The following CPEB1 variants were observed in gnomAD, a reference collection of about 807,000 sequenced individuals.
CPEB1 encodes cytoplasmic polyadenylation element-binding protein 1.
In CPEB1, 7 loss-of-function variants were observed where a neutral mutation model predicts 65.8. That is an observed-to-expected ratio of 0.11 (90% CI 0.06 to 0.20). CPEB1 has a LOEUF of 0.20. CPEB1 is among the 10% of genes least tolerant of loss of function. CPEB1 has a pLI of 1.00. For synonymous variants in CPEB1, 262 were observed against 260.0 expected, an observed-to-expected ratio of 1.01 and a Z score of -0.08; for missense variants, 551 against 712.2, an observed-to-expected ratio of 0.77 and a Z score of 2.58.
chr15:82,577,664 G>T, intron 3 of CPEB1, among the ~76,000 whole-genome samples: 1 of 152,062 alleles, frequency 6.6e-6, no homozygotes, highest in Non-Finnish European at 1.5e-5. Flanking sequence ...ACAGGTGCAT[G>T]CCACCATACC....
intron 3 of CPEB1, among the ~76,000 whole-genome samples, chr15:82,612,015 C>A (rs757409771): frequency 1.4e-4 from 21 of 151,412 alleles, no homozygotes; most frequent in Non-Finnish European, 2.2e-4. Flanking sequence ...TCGAGACCAT[C>A]CTGGCTAACA....
chr15:82,580,859 TTTC>T (rs1397213621), intron 3 of CPEB1, among the ~76,000 whole-genome samples: 2 of 151,702 alleles, frequency 1.3e-5, no homozygotes, highest in African/African-American at 4.9e-5. Context: ...CTTTTTTTTT[TTTC>T]TTTTTTTGAG....
At chr15:82,587,568 CAA>C (rs2041901398) in intron 3 of CPEB1, among the ~76,000 whole-genome samples, 1 of 152,082 alleles carries the variant, frequency 6.6e-6, no homozygotes, top group African/African-American at 2.4e-5. Flanking sequence ...GGAGAGAACT[CAA>C]AGTCATCAAA....
upstream of CPEB1, chr15:82,647,494 T>C (rs587625226): frequency 1.5e-5 from 3 of 202,838 alleles, no homozygotes; most frequent in South Asian, 1.9e-4. Context: ...GCGACGGCAG[T>C]GTGAGAAAGA....
chr15:82,624,698 A>C (rs2045602662), intron 3 of CPEB1, among the ~76,000 whole-genome samples: 1 of 152,176 alleles, frequency 6.6e-6, no homozygotes, highest in African/African-American at 2.4e-5. Context: ...CTCTCCCATC[A>C]ATCATGGGTC....
Position 82,555,875 on chromosome 15 carries a change from G to A in CPEB1, c.935C>T (p.Ala312Val). Residue 312 changes from alanine to valine, a missense_variant, in exon 6 of 13, where the codon GCT becomes GTT. Ala to Val is a moderately conservative substitution (Grantham distance 64). Coordinates refer to ENST00000684509, the MANE Select transcript of CPEB1 (RefSeq NM_001365242.1). ...CATGCTCAAGGCACACTCACCTGCA[G>A]CTTGTCGGTGCAGCCTGGCCTCTCT... ...IEREARLHRQ[A>V]AAVNEATCTW... The A allele has an allele frequency of 6.2e-7, 1 of 1,610,916 alleles. No individual in the cohort carries two copies. The highest frequency in any genetic ancestry group is 8.5e-7 in the Non-Finnish European group (1 of 1,178,870).
At chr15:82,616,733 G>C (rs1286079324) in intron 3 of CPEB1, among the ~76,000 whole-genome samples, 5 of 151,984 alleles carry the variant, frequency 3.3e-5, no homozygotes, top group African/African-American at 1.2e-4. Flanking sequence ...AGTAGAGACA[G>C]GGTTTCACCA....
chr15:82,635,324 T>A (rs1270339859), intron 1 of CPEB1, among the ~76,000 whole-genome samples: 1 of 152,242 alleles, frequency 6.6e-6, no homozygotes, highest in East Asian at 1.9e-4. Context: ...CCATGAAGAA[T>A]ACATTTTCCT....
At chr15:82,608,156 A>G (rs983559714) in intron 3 of CPEB1, among the ~76,000 whole-genome samples, 7 of 152,240 alleles carry the variant, frequency 4.6e-5, no homozygotes. Context: ...TGAGTTTTTT[A>G]TAAAGCCTCA....
At chr15:82,571,054 C>G (rs1018167385) in intron 4 of CPEB1, among the ~76,000 whole-genome samples, 1 of 152,170 alleles carries the variant, frequency 6.6e-6, no homozygotes, top group African/African-American at 2.4e-5. Context: ...CTTTTCTGCA[C>G]AAGGCCACCA....
intron 1 of CPEB1, among the ~76,000 whole-genome samples, chr15:82,644,399 G>T (rs926382013): frequency 3.9e-5 from 6 of 152,184 alleles, no homozygotes; most frequent in African/African-American, 1.4e-4. Flanking sequence ...TCACTTAACA[G>T]CCTTGTGACT....
upstream of CPEB1, chr15:82,648,028 C>G (rs1053940863): frequency 7.9e-6 from 4 of 503,356 alleles, no homozygotes; most frequent in African/African-American, 6.0e-5. Flanking sequence ...GAGCCGCCCC[C>G]CGGCCGGATG....
intron 3 of CPEB1, among the ~76,000 whole-genome samples, chr15:82,605,233 G>C (rs2043459729): frequency 6.6e-6 from 1 of 152,120 alleles, no homozygotes; most frequent in Non-Finnish European, 1.5e-5. Flanking sequence ...AAATACTAAA[G>C]AGCATCTTTC....
At chr15:82,631,982 CTTTTTT>C (rs10656923) in intron 1 of CPEB1, among the ~76,000 whole-genome samples, 1 of 125,014 alleles carries the variant, frequency 8.0e-6, no homozygotes, top group South Asian at 2.5e-4. Flanking sequence ...ATTTTTTTCT[CTTTTTT>C]TTTTTTTTTT....
At chr15:82,589,188 A>T (rs959879359) in intron 3 of CPEB1, among the ~76,000 whole-genome samples, 1 of 152,234 alleles carries the variant, frequency 6.6e-6, no homozygotes, top group African/African-American at 2.4e-5. Context: ...CACCCCCTGG[A>T]AAGCCCTGTA....
chr15:82,593,133 G>C (rs190766395), intron 3 of CPEB1, among the ~76,000 whole-genome samples: 1 of 152,158 alleles, frequency 6.6e-6, no homozygotes, highest in Non-Finnish European at 1.5e-5. Flanking sequence ...GGTTAACTGC[G>C]GCAATTTCTT....
rs2037506050 is a variant in CPEB1 at position 82,557,893 on chromosome 15, TCCA to T, written c.551_553del (p.Val184del). Reference sequence around the variant, plus strand: ...TCTAACTGAGGGTGCTGGAAACTTGTCCACCAAGTCAGACCCAAGGGGATCCAG... The same window carrying T: ...TCTAACTGAGGGTGCTGGAAACTTGTCCAAGTCAGACCCAAGGGGATCCAG... On this transcript the variant is annotated inframe_deletion, in exon 5 of 13. Transcript: ENST00000684509. The T allele has an allele frequency of 2.5e-6, 4 of 1,614,018 alleles. No homozygotes were observed. Among genetic ancestry groups the T allele is most frequent in the Non-Finnish European group, 3.4e-6 (4 of 1,180,022 alleles).
intron 3 of CPEB1, among the ~76,000 whole-genome samples, chr15:82,619,766 G>A (rs185879896): frequency 2.0e-5 from 3 of 152,150 alleles, no homozygotes; most frequent in Non-Finnish European, 4.4e-5. Flanking sequence ...TGGCTAAAAT[G>A]AAAGACAATA....
intron 12 of CPEB1, among the ~76,000 whole-genome samples, 177 bp from the exon 13 acceptor site, chr15:82,544,879 T>C (rs2034886536): frequency 6.6e-6 from 1 of 152,128 alleles, no homozygotes; most frequent in Non-Finnish European, 1.5e-5. Context: ...CCTGATTAAC[T>C]ATGGCAAACC....
Sources: allele counts gnomAD v4.1 joint callset (sites outside exome capture counted in the v4.1 genomes callset), GRCh38; gene constraint gnomAD v4.1.1; transcripts MANE v1.5; gene names NCBI Gene and HGNC (gene_info 2026-07-23, HGNC 2026-07-21).